The following NCAM2 variants were observed in gnomAD, a reference collection of about 807,000 sequenced individuals.
NCAM2 encodes N-CAM-2.
A neutral mutation model predicts 98.1 loss-of-function variants in NCAM2; 30 were observed. The ratio of observed to expected loss-of-function variants is 0.31; its 90% confidence interval spans 0.23 to 0.41. The LOEUF is 0.41. Among genes scored for constraint, NCAM2 ranks in the 10% least tolerant of loss-of-function variants. The pLI is 1.00. For synonymous variants in NCAM2, 368 were observed against 342.4 expected (o/e 1.07, Z -0.83); for missense variants, 867 against 1,005.8 (o/e 0.86, Z 1.87).
At chr21:21,337,508 A>AT (rs2074905778) in intron 7 of NCAM2, among the ~76,000 whole-genome samples, 1 of 152,026 alleles carries the variant, frequency 6.6e-6, no homozygotes, top group South Asian at 2.1e-4. Flanking sequence ...AGAACAACTT[A>AT]TTTGTGTTTC....
intron 1 of NCAM2, among the ~76,000 whole-genome samples, chr21:21,131,747 A>G (rs529821417): frequency 6.6e-6 from 1 of 152,302 alleles, no homozygotes; most frequent in Admixed American, 6.5e-5. Flanking sequence ...TGAAAATTGT[A>G]TGCTTCTCAA....
chr21:21,477,146 C>A, intron 14 of NCAM2, 145 bp from the exon 15 acceptor site: 1 of 498,372 alleles, frequency 2.0e-6, no homozygotes. Flanking sequence ...TTCATTGACA[C>A]AGCAACTTCA....
chr21:21,455,210 CAAAAAA>C (rs5842926), intron 12 of NCAM2, among the ~76,000 whole-genome samples: 6 of 95,442 alleles, frequency 6.3e-5, no homozygotes, highest in Non-Finnish European at 8.1e-5. Flanking sequence ...AACCTATTGG[CAAAAAA>C]AAAAAAAAAA....
At chr21:21,509,546 A>G (rs1988228827) in intron 16 of NCAM2, among the ~76,000 whole-genome samples, 1 of 152,194 alleles carries the variant, frequency 6.6e-6, no homozygotes, top group Non-Finnish European at 1.5e-5. Flanking sequence ...TATGTGCTAT[A>G]AAATACAATA....
At chr21:21,534,787 A>G in intron 17 of NCAM2, 131 bp downstream of exon 17, 2 of 942,286 alleles carry the variant, frequency 2.1e-6, no homozygotes, top group Non-Finnish European at 2.8e-6. Flanking sequence ...TTTTGATGAA[A>G]GTACATGTGA....
At chr21:21,385,120 A>G (rs1195778010) in intron 9 of NCAM2, among the ~76,000 whole-genome samples, 2 of 151,992 alleles carry the variant, frequency 1.3e-5, no homozygotes, top group African/African-American at 2.4e-5. Context: ...TCAAATGCCC[A>G]TGATATATGT....
intron 15 of NCAM2, among the ~76,000 whole-genome samples, chr21:21,480,419 G>A (rs1239265822): frequency 6.8e-6 from 1 of 146,828 alleles, no homozygotes; most frequent in African/African-American, 2.6e-5. Flanking sequence ...ATTTTTCTTA[G>A]AAGGTGAGTT....
At chr21:21,351,816 G>A (rs1157412743) in intron 8 of NCAM2, among the ~76,000 whole-genome samples, 1 of 151,988 alleles carries the variant, frequency 6.6e-6, no homozygotes, top group African/African-American at 2.4e-5. Flanking sequence ...GCACGATCTC[G>A]GCTCACTGGA....
intron 1 of NCAM2, among the ~76,000 whole-genome samples, chr21:21,041,233 T>C (rs2064898134): frequency 6.6e-6 from 1 of 152,226 alleles, no homozygotes; most frequent in Non-Finnish European, 1.5e-5. Flanking sequence ...ATCATTTCTC[T>C]GTAAGAATAT....
chr21:21,277,494 GA>G (rs2072772066), intron 1 of NCAM2, among the ~76,000 whole-genome samples: 1 of 152,120 alleles, frequency 6.6e-6, no homozygotes, highest in Non-Finnish European at 1.5e-5. Context: ...AGGAAGCCAT[GA>G]GGGGTTGTAT....
chr21:21,286,110 G>A (rs77132718), intron 3 of NCAM2, among the ~76,000 whole-genome samples, 159 bp from the exon 4 acceptor site: 2,718 of 152,026 alleles, frequency 0.018, 92 homozygotes, highest in East Asian at 0.15. Context: ...GAAGGTATTA[G>A]GGAGAAGTAG....
chr21:21,414,628 C>G (rs886943845), intron 10 of NCAM2, among the ~76,000 whole-genome samples: 5 of 152,056 alleles, frequency 3.3e-5, no homozygotes, highest in East Asian at 1.9e-4. Context: ...TGCCACCACG[C>G]CCGGCTATTT....
At chr21:21,036,424 C>A (rs62208967) in intron 1 of NCAM2, among the ~76,000 whole-genome samples, 19,626 of 152,022 alleles carry the variant, frequency 0.13, 1,369 homozygotes, top group Middle Eastern at 0.14. Context: ...CTTATGACAC[C>A]AAAATGGTAG....
At chr21:21,249,298 A>C (rs2071394544) in intron 1 of NCAM2, among the ~76,000 whole-genome samples, 1 of 152,170 alleles carries the variant, frequency 6.6e-6, no homozygotes, top group African/African-American at 2.4e-5. Context: ...TAATACAATT[A>C]TTGATGCACT....
intron 15 of NCAM2, among the ~76,000 whole-genome samples, chr21:21,496,539 A>G (rs1416665602): frequency 3.3e-5 from 5 of 152,042 alleles, no homozygotes; most frequent in Non-Finnish European, 5.9e-5. Flanking sequence ...TTGTTCGTGA[A>G]TATTTTCCCC....
chr21:21,438,552 T>G (rs1978738420), intron 12 of NCAM2, among the ~76,000 whole-genome samples: 1 of 152,152 alleles, frequency 6.6e-6, no homozygotes, highest in African/African-American at 2.4e-5. Flanking sequence ...CAACTCGAAC[T>G]ATAGAGATAT....
intron 1 of NCAM2, among the ~76,000 whole-genome samples, chr21:21,267,977 C>T (rs957183062): frequency 9.2e-5 from 14 of 152,052 alleles, no homozygotes; most frequent in East Asian, 1.9e-4. Flanking sequence ...TGCTTATATA[C>T]GGCTGTGGCT....
chr21:21,010,064 A>G (rs1184013702), intron 1 of NCAM2, among the ~76,000 whole-genome samples: 1 of 152,002 alleles, frequency 6.6e-6, no homozygotes, highest in African/African-American at 2.4e-5. Flanking sequence ...TAATGTTACC[A>G]TTATTATATA....
At chr21:21,432,873 A>G (rs1253952866) in intron 12 of NCAM2, among the ~76,000 whole-genome samples, 1 of 152,210 alleles carries the variant, frequency 6.6e-6, no homozygotes, top group Non-Finnish European at 1.5e-5. Flanking sequence ...AAAGCAGGAA[A>G]TAATAAGAAT....
Sources: allele counts gnomAD v4.1 joint callset (sites outside exome capture counted in the v4.1 genomes callset), GRCh38; gene constraint gnomAD v4.1.1; transcripts MANE v1.5; gene names NCBI Gene and HGNC (gene_info 2026-07-23, HGNC 2026-07-21).